Variants in LRMDA observed in about 807,000 individuals in gnomAD.
LRMDA encodes leucine rich melanocyte differentiation associated, also known as leucine-rich melanocyte differentiation-associated protein.
In LRMDA, 18 loss-of-function variants were observed where a neutral mutation model predicts 29.8. The ratio of observed to expected loss-of-function variants is 0.60; its 90% CI spans 0.42 to 0.90. The LOEUF (loss-of-function observed/expected upper bound fraction) is 0.90. LRMDA is among the 40% of genes least tolerant of loss of function. LRMDA has a pLI of 0.00. For synonymous variants in LRMDA, 125 were observed against 109.4 expected (o/e 1.14, Z -0.89); for missense variants, 273 against 273.9 (o/e 1.00, Z 0.02).
At chr10:76,278,840 T>G (rs555760788) in intron 5 of LRMDA, among the ~76,000 whole-genome samples, 1 of 152,322 alleles carries the variant, frequency 6.6e-6, no homozygotes, top group African/African-American at 2.4e-5. Flanking sequence ...CCAACATCTT[T>G]AAATAGTGAT....
intron 2 of LRMDA, among the ~76,000 whole-genome samples, chr10:75,525,065 A>G (rs1018789008): frequency 2.6e-5 from 4 of 152,212 alleles, no homozygotes; most frequent in Non-Finnish European, 4.4e-5. Context: ...ATAGCTGGGA[A>G]GTCCAGTGCT....
intron 6 of LRMDA, among the ~76,000 whole-genome samples, chr10:76,328,822 G>C (rs1425121146): frequency 6.6e-6 from 1 of 152,158 alleles, no homozygotes; most frequent in East Asian, 1.9e-4. Flanking sequence ...AAACAAAAAG[G>C]GTGAATGCTC....
intron 6 of LRMDA, among the ~76,000 whole-genome samples, chr10:76,425,216 G>GAA (rs1564537741): frequency 6.6e-6 from 1 of 151,798 alleles, no homozygotes; most frequent in African/African-American, 2.4e-5. Context: ...TTCCAACTCA[G>GAA]AAAAAAAGGT....
intron 2 of LRMDA, among the ~76,000 whole-genome samples, chr10:75,581,088 G>T (rs1452057035): frequency 6.6e-6 from 1 of 152,140 alleles, no homozygotes; most frequent in Non-Finnish European, 1.5e-5. Context: ...TTAAACTAAA[G>T]AGCATCTGCA....
intron 5 of LRMDA, among the ~76,000 whole-genome samples, chr10:76,282,638 T>C (rs1365689708): frequency 6.6e-6 from 1 of 152,232 alleles, no homozygotes; most frequent in East Asian, 1.9e-4. Context: ...CACATTTATA[T>C]ATCTGCAAGC....
rs142090996 is a variant in LRMDA at position 75,747,515 on chromosome 10, A to G, written c.132-288493A>G. ...GAAGAAATAACACAATTGAGTAACT[A>G]CCCCTAAAGAGATAACTGGGATTAC... On this transcript the variant is annotated intron_variant, in intron 2 of 6. Coordinates refer to ENST00000611255, the MANE Select transcript of LRMDA (RefSeq NM_001305581.2). Among the ~76,000 whole-genome samples, 216 of 152,302 alleles carry G rather than the reference A, an allele frequency of 1.4e-3. 2 individuals carry two copies. Among genetic ancestry groups the G allele is most frequent in the African/African-American group, 5.0e-3 (209 of 41,562 alleles).
At chr10:76,391,583 G>C (rs991160123) in intron 6 of LRMDA, among the ~76,000 whole-genome samples, 1 of 152,154 alleles carries the variant, frequency 6.6e-6, no homozygotes, top group East Asian at 1.9e-4. Flanking sequence ...TACACACTTA[G>C]GGTGGAAAGC....
intron 2 of LRMDA, among the ~76,000 whole-genome samples, chr10:75,878,101 G>T (rs1845231002): frequency 1.3e-5 from 2 of 152,182 alleles, no homozygotes; most frequent in Admixed American, 1.3e-4. Context: ...AGCCCCAGTG[G>T]CGTATGTTAC....
chr10:76,136,033 G>A (rs1850088489), intron 5 of LRMDA, among the ~76,000 whole-genome samples: 1 of 152,116 alleles, frequency 6.6e-6, no homozygotes, highest in Non-Finnish European at 1.5e-5. Flanking sequence ...AGCAGGAGTC[G>A]TGTCATGTCT....
chr10:75,974,664 G>C (rs1847038757), intron 2 of LRMDA, among the ~76,000 whole-genome samples: 2 of 152,146 alleles, frequency 1.3e-5, no homozygotes, highest in African/African-American at 4.8e-5. Flanking sequence ...AGGAAACTGA[G>C]TTGTAGAAAG....
At chr10:75,977,296 T>C (rs983219781) in intron 2 of LRMDA, among the ~76,000 whole-genome samples, 5 of 152,212 alleles carry the variant, frequency 3.3e-5, no homozygotes, top group African/African-American at 9.6e-5. Flanking sequence ...TTTTACAATA[T>C]GCTTTTCGTA....
chr10:75,479,370 G>A (rs1844832335), intron 2 of LRMDA, among the ~76,000 whole-genome samples: 1 of 152,180 alleles, frequency 6.6e-6, no homozygotes, highest in East Asian at 1.9e-4. Context: ...AGCCGGGCGT[G>A]GTCACAGGCG....
chr10:76,005,845 G>A (rs1363478591), intron 2 of LRMDA, among the ~76,000 whole-genome samples: 3 of 150,526 alleles, frequency 2.0e-5, no homozygotes, highest in Non-Finnish European at 4.4e-5. Flanking sequence ...CAGGAGAATG[G>A]CGTGAACCCG....
At chr10:75,758,950 ATTT>A (rs57108453) in intron 2 of LRMDA, among the ~76,000 whole-genome samples, 3 of 142,050 alleles carry the variant, frequency 2.1e-5, no homozygotes, top group Non-Finnish European at 4.7e-5. Flanking sequence ...CTTTGCCAGT[ATTT>A]TTTTTTTTTT....
intron 5 of LRMDA, among the ~76,000 whole-genome samples, chr10:76,120,493 T>C (rs906818432): frequency 3.3e-5 from 5 of 152,160 alleles, no homozygotes; most frequent in African/African-American, 1.2e-4. Flanking sequence ...TGGCCAAGTA[T>C]GTGTTGATTT....
At chr10:76,216,625 C>A (rs1270576900) in intron 5 of LRMDA, among the ~76,000 whole-genome samples, 2 of 152,138 alleles carry the variant, frequency 1.3e-5, no homozygotes, top group African/African-American at 4.8e-5. Context: ...TTTTCATAGA[C>A]AAGACTGGCA....
At chr10:75,814,072 A>G (rs371516685) in intron 2 of LRMDA, among the ~76,000 whole-genome samples, 10 of 152,358 alleles carry the variant, frequency 6.6e-5, no homozygotes, top group South Asian at 2.1e-4. Flanking sequence ...TTAGTCCTAC[A>G]TATGTGAACC....
intron 6 of LRMDA, among the ~76,000 whole-genome samples, chr10:76,359,693 G>A (rs1245147520): frequency 2.0e-5 from 3 of 152,124 alleles, no homozygotes; most frequent in Middle Eastern, 3.2e-3. Flanking sequence ...GACCACTTTC[G>A]TAAGTAATCA....
chr10:75,474,578 G>A (rs549297604), intron 2 of LRMDA, among the ~76,000 whole-genome samples: 1 of 152,316 alleles, frequency 6.6e-6, no homozygotes, highest in Admixed American at 6.5e-5. Flanking sequence ...AAGGTGGGAC[G>A]CAAACATCTA....
Sources: gnomAD v4.1 joint callset for allele counts (sites outside exome capture counted in the v4.1 genomes callset) on GRCh38, gnomAD v4.1.1 for gene constraint, MANE v1.5 for transcripts, NCBI Gene and HGNC (gene_info 2026-07-23, HGNC 2026-07-21) for gene names.